Variants in SH3BP5 observed in about 807,000 individuals in gnomAD.
SH3BP5 encodes SH3 domain binding protein 5, also known as SH3 domain-binding protein 5.
Under a neutral mutation model 43.3 loss-of-function variants are expected in SH3BP5, and 22 were observed. The ratio of observed to expected loss-of-function variants is 0.51; its 90% CI spans 0.36 to 0.73. The LOEUF (loss-of-function observed/expected upper bound fraction) is 0.73. SH3BP5 is among the 30% of genes least tolerant of loss of function. The probability of loss-of-function intolerance (pLI) is 0.00; values close to 1 mark genes in which losing one functional copy is unlikely to be tolerated. For synonymous variants in SH3BP5, 255 were observed against 225.8 expected (o/e 1.13, Z -1.16); for missense variants, 529 against 586.9 (o/e 0.90, Z 1.02).
At chr3:15,321,582 A>C (rs912113434) in intron 2 of SH3BP5, among the ~76,000 whole-genome samples, 1 of 151,510 alleles carries the variant, frequency 6.6e-6, no homozygotes, top group African/African-American at 2.4e-5. Context: ...ACAGATGGTC[A>C]TTGTAAATAT....
intron 6 of SH3BP5, 25 bp downstream of exon 6, chr3:15,259,736 T>C: frequency 6.2e-7 from 1 of 1,612,770 alleles, no homozygotes; most frequent in South Asian, 1.1e-5. Context: ...ATCTCATCAG[T>C]GACGAAGCCC....
chr3:15,332,200 G>T, intron 1 of SH3BP5, 71 bp downstream of exon 1: 2 of 1,541,706 alleles, frequency 1.3e-6, no homozygotes, highest in Admixed American at 1.9e-5. Flanking sequence ...CGAAGTGGCT[G>T]TACGCGTAGA....
intron 3 of SH3BP5, among the ~76,000 whole-genome samples, chr3:15,296,075 C>A (rs557712148): frequency 6.6e-6 from 1 of 152,276 alleles, no homozygotes; most frequent in South Asian, 2.1e-4. Context: ...ACCTCTATTT[C>A]CCCTAGGAGC....
At chr3:15,288,092 A>C (rs1697313611) in intron 3 of SH3BP5, among the ~76,000 whole-genome samples, 2 of 152,318 alleles carry the variant, frequency 1.3e-5, no homozygotes, top group Admixed American at 1.3e-4. Flanking sequence ...AAGAACTTAC[A>C]TTGCAGTTCA....
At chr3:15,294,107 A>G (rs1419567304) in intron 3 of SH3BP5, among the ~76,000 whole-genome samples, 1 of 151,680 alleles carries the variant, frequency 6.6e-6, no homozygotes, top group Non-Finnish European at 1.5e-5. Flanking sequence ...AAAAGAAACA[A>G]GAAAAAGAAA....
intron 8 of SH3BP5, 142 bp downstream of exon 8, chr3:15,256,711 G>T: frequency 2.0e-6 from 2 of 998,980 alleles, no homozygotes; most frequent in Non-Finnish European, 2.9e-6. Flanking sequence ...CAACCTCAGT[G>T]ATCAATACTG....
upstream of SH3BP5, among the ~76,000 whole-genome samples, chr3:15,333,688 G>A (rs1478069592): frequency 6.6e-6 from 1 of 152,172 alleles, no homozygotes; most frequent in African/African-American, 2.4e-5. Context: ...AACTAGGCTA[G>A]AGGGTTACTC....
Position 15,259,815 on chromosome 3 carries a change from AG to A in SH3BP5, c.627-13del, listed in dbSNP as rs1209057560. The stretch of plus-strand genomic sequence containing the variant: ...GTTCAAAATAAGGCCTGCAGAAGAC[AG>A]GAAGGAAAGCCATCAGAGTAATATA... On this transcript the variant is annotated splice_polypyrimidine_tract_variant and intron_variant, in intron 5 of 8. Transcript: ENST00000383791. The A allele has an allele frequency of 6.2e-7, 1 of 1,613,284 alleles. No individual in the cohort carries two copies. Among genetic ancestry groups the A allele is most frequent in the Non-Finnish European group, 8.5e-7 (1 of 1,179,296 alleles).
chr3:15,332,699 G>A, upstream of SH3BP5: 1 of 1,105,942 alleles, frequency 9.0e-7, no homozygotes, highest in Non-Finnish European at 1.1e-6. Flanking sequence ...CCAGGTCTCC[G>A]TCGCAAAACC....
At chr3:15,327,445 G>A (rs554901231) in intron 2 of SH3BP5, among the ~76,000 whole-genome samples, 1 of 152,184 alleles carries the variant, frequency 6.6e-6, no homozygotes, top group African/African-American at 2.4e-5. Context: ...TATTAAAATG[G>A]CTCATTTTCC....
At chr3:15,307,157 TG>T (rs1300472287) in intron 2 of SH3BP5, among the ~76,000 whole-genome samples, 1 of 152,198 alleles carries the variant, frequency 6.6e-6, no homozygotes, top group Non-Finnish European at 1.5e-5. Flanking sequence ...CTCCCGAGCC[TG>T]GATCCCATGT....
chr3:15,260,907 A>T (rs1696413439), intron 5 of SH3BP5, among the ~76,000 whole-genome samples: 1 of 152,152 alleles, frequency 6.6e-6, no homozygotes, highest in African/African-American at 2.4e-5. Context: ...CAATCACAAG[A>T]TTTATTTTCT....
At chr3:15,317,887 T>C (rs1053969312) in intron 2 of SH3BP5, among the ~76,000 whole-genome samples, 5 of 152,170 alleles carry the variant, frequency 3.3e-5, no homozygotes, top group Non-Finnish European at 7.4e-5. Flanking sequence ...AGGGCAAAGA[T>C]TGAAAACCTG....
upstream of SH3BP5, among the ~76,000 whole-genome samples, chr3:15,335,665 G>T (rs1415482228): frequency 1.3e-5 from 2 of 152,138 alleles, no homozygotes; most frequent in African/African-American, 4.8e-5. Context: ...TTTCTACAGG[G>T]GACATAAGCA....
Position 15,256,922 on chromosome 3 carries a change from TC to T in SH3BP5, c.1080del (p.Met360IlefsTer22). ...CTTCGAGGGCCCAACACTGGGAACA[TC>T]ATCCCAAACTCTGACAGGGACACAG... ...PSPVSLSEFG[M>X]MFPVLGPRSE... On this transcript the variant is annotated frameshift_variant, in exon 8 of 9. Coordinates refer to ENST00000383791, the MANE Select transcript of SH3BP5 (RefSeq NM_004844.5). LOFTEE classifies it high-confidence loss of function. 6.2e-7 allele frequency: 1 copy of T among 1,614,124 alleles called. No individual in the cohort carries two copies. The highest frequency in any genetic ancestry group is 8.5e-7 in the Non-Finnish European group (1 of 1,179,992).
In SH3BP5 at chr3:15,325,091, G is replaced by A. The variant is rs188220289; in HGVS notation, c.201+5413C>T. Among the ~76,000 whole-genome samples, 89 of 152,264 alleles carry A rather than the reference G, an allele frequency of 5.8e-4. 1 individual carries two copies. Among genetic ancestry groups the A allele is most frequent in the Admixed American group, 3.9e-3 (60 of 15,292 alleles). Reference sequence around the variant, plus strand: ...AACAGCCCACTTTCAGAGCAAGCACGGGAAATGATGAAAACATTACAAATT... The same window carrying A: ...AACAGCCCACTTTCAGAGCAAGCACAGGAAATGATGAAAACATTACAAATT... On this transcript the variant is annotated intron_variant, in intron 2 of 8. Coordinates refer to ENST00000383791, the MANE Select transcript of SH3BP5 (RefSeq NM_004844.5).
At chr3:15,306,816 G>A (rs115949229) in intron 2 of SH3BP5, among the ~76,000 whole-genome samples, 2,048 of 152,074 alleles carry the variant, frequency 0.013, 43 homozygotes, top group African/African-American at 0.045. Context: ...CTACAGGTGT[G>A]CACCACCACG....
intron 1 of SH3BP5, among the ~76,000 whole-genome samples, chr3:15,331,416 ATTT>A (rs559590292): frequency 6.6e-6 from 1 of 152,188 alleles, no homozygotes; most frequent in African/African-American, 2.4e-5. Context: ...CTTAAAAGCA[ATTT>A]TTTTAAAAAA....
chr3:15,308,572 C>T (rs1697972636), intron 2 of SH3BP5, among the ~76,000 whole-genome samples: 1 of 152,150 alleles, frequency 6.6e-6, no homozygotes, highest in South Asian at 2.1e-4. Flanking sequence ...TTCGACCCTC[C>T]AGCACGGACG....
Sources: gnomAD v4.1 joint callset for allele counts (sites outside exome capture counted in the v4.1 genomes callset) on GRCh38, gnomAD v4.1.1 for gene constraint, MANE v1.5 for transcripts, NCBI Gene and HGNC (gene_info 2026-07-23, HGNC 2026-07-21) for gene names.